DAB1: variants seen among roughly 807,000 people sequenced by gnomAD.
DAB1 encodes the protein DAB adaptor protein 1, also known as disabled homolog 1.
In DAB1, 15 loss-of-function variants were observed where a neutral mutation model predicts 64.6. The observed-to-expected ratio is 0.23, with a 90% CI of 0.16 to 0.36. The LOEUF (loss-of-function observed/expected upper bound fraction) is 0.36, where lower values mean the gene tolerates loss of function less well. Among genes scored for constraint, DAB1 ranks in the 10% least tolerant of loss-of-function variants. The pLI is 1.00. For missense variants in DAB1, 596 were observed against 706.7 expected, an observed-to-expected ratio of 0.84 and a Z score of 1.78; for synonymous variants, 235 against 251.9, an observed-to-expected ratio of 0.93 and a Z score of 0.64.
chr1:57,591,792 G>A (rs991163625), intron 7 of DAB1, among the ~76,000 whole-genome samples: 1 of 152,210 alleles, frequency 6.6e-6, no homozygotes, highest in African/African-American at 2.4e-5. Context: ...CCTCAGACAG[G>A]TGTGCAAATG....
At chr1:57,028,266 A>G (rs1646855940) in intron 9 of DAB1, among the ~76,000 whole-genome samples, 1 of 152,054 alleles carries the variant, frequency 6.6e-6, no homozygotes, top group Admixed American at 6.6e-5. Context: ...GGGGTTTCCA[A>G]TTTTGCTTCT....
chr1:57,487,055 C>T (rs998619042), intron 7 of DAB1, among the ~76,000 whole-genome samples: 1 of 152,026 alleles, frequency 6.6e-6, no homozygotes, highest in Admixed American at 6.6e-5. Context: ...TAGAAGGCTC[C>T]AAGCAATCAA....
At chr1:58,159,588 A>G (rs962616825) in intron 4 of DAB1, among the ~76,000 whole-genome samples, 1 of 152,238 alleles carries the variant, frequency 6.6e-6, no homozygotes, top group East Asian at 1.9e-4. Flanking sequence ...CATTACTGCA[A>G]TGTAACAGAG....
At chr1:57,684,940 G>C (rs760939560) in intron 6 of DAB1, among the ~76,000 whole-genome samples, 6 of 141,426 alleles carry the variant, frequency 4.2e-5, no homozygotes, top group Non-Finnish European at 7.5e-5. Flanking sequence ...AACAGCAGGA[G>C]TTGCTATTCT....
intron 11 of DAB1, among the ~76,000 whole-genome samples, chr1:57,023,310 C>T (rs866110873): frequency 2.6e-5 from 4 of 152,236 alleles, no homozygotes; most frequent in Non-Finnish European, 1.5e-5. Flanking sequence ...GAATCTTGAG[C>T]TGTCTGGGTG....
chr1:57,396,913 T>G (rs1458570747), intron 1 of DAB1, among the ~76,000 whole-genome samples: 2 of 152,242 alleles, frequency 1.3e-5, no homozygotes, highest in Non-Finnish European at 2.9e-5. Flanking sequence ...TATGTTTATC[T>G]TTCTCATATG....
At chr1:57,872,181 C>A (rs1643963178) in intron 1 of DAB1, among the ~76,000 whole-genome samples, 1 of 152,172 alleles carries the variant, frequency 6.6e-6, no homozygotes, top group South Asian at 2.1e-4. Context: ...AAGTCTAGCA[C>A]TCTTATGATC....
intron 6 of DAB1, among the ~76,000 whole-genome samples, chr1:57,721,665 G>A (rs950439102): frequency 3.3e-5 from 5 of 152,174 alleles, no homozygotes; most frequent in Admixed American, 6.5e-5. Flanking sequence ...GCTGCTTCTA[G>A]GTTGAGGGGC....
chr1:58,062,393 T>TATGTGGGTCTTG (rs1553156784), intron 5 of DAB1, among the ~76,000 whole-genome samples: 1 of 152,242 alleles, frequency 6.6e-6, no homozygotes, highest in Non-Finnish European at 1.5e-5. Context: ...CATGGTTTTA[T>TATGTGGGTCTTG]ATGTGGGTCT....
chr1:58,508,812 A>T (rs972678002), intron 2 of DAB1, among the ~76,000 whole-genome samples: 1 of 152,136 alleles, frequency 6.6e-6, no homozygotes, highest in African/African-American at 2.4e-5. Flanking sequence ...AGTTGGAGAG[A>T]AACTCCAGAG....
intron 7 of DAB1, among the ~76,000 whole-genome samples, chr1:57,645,675 G>C (rs938525492): frequency 1.3e-5 from 2 of 152,184 alleles, no homozygotes; most frequent in Non-Finnish European, 2.9e-5. Flanking sequence ...TCTATGGAAA[G>C]TATTATTGCT....
intron 1 of DAB1, among the ~76,000 whole-genome samples, chr1:57,346,890 A>AT (rs1553170510): frequency 6.6e-6 from 1 of 152,162 alleles, no homozygotes; most frequent in Non-Finnish European, 1.5e-5. Context: ...TTTAACAAGC[A>AT]TTTACTGTGT....
At chr1:58,140,007 A>G (rs1654184371) in intron 5 of DAB1, among the ~76,000 whole-genome samples, 1 of 152,170 alleles carries the variant, frequency 6.6e-6, no homozygotes, top group African/African-American at 2.4e-5. Context: ...GTGTCTTTAA[A>G]CAGAGACTCC....
At chr1:58,370,066 T>C (rs1316756945) in intron 3 of DAB1, among the ~76,000 whole-genome samples, 2 of 152,230 alleles carry the variant, frequency 1.3e-5, no homozygotes, top group Admixed American at 6.5e-5. Flanking sequence ...TTTAGAGATA[T>C]GCCTCAGGCA....
In DAB1 at chr1:57,159,856, C is replaced by CA. The variant is rs398049302; in HGVS notation, c.68-14428dup. Reference sequence around the variant, plus strand: ...CACGTACAAGGTAGAAGCAGCAAGACAAAAAAAAAAAAAAAAAAAAAGGAA... The same window carrying CA: ...CACGTACAAGGTAGAAGCAGCAAGACAAAAAAAAAAAAAAAAAAAAAAGGAA... On this transcript the variant is annotated intron_variant, in intron 2 of 14. Transcript: ENST00000371236. 8.9e-3 allele frequency among the ~76,000 whole-genome samples: 772 copies of CA among 86,298 alleles called. 13 individuals carry two copies. The highest frequency in any genetic ancestry group is 0.043 in the East Asian group (121 of 2,804). The allele number at this position is 86,298 out of a possible 152,430, so 56.6% of individuals were successfully genotyped here. A position where few individuals can be genotyped will look rare whatever the true frequency, so the allele number is the denominator to read the frequency against.
intron 6 of DAB1, among the ~76,000 whole-genome samples, chr1:57,705,128 G>C (rs945597646): frequency 6.6e-6 from 1 of 152,118 alleles, no homozygotes; most frequent in Non-Finnish European, 1.5e-5. Flanking sequence ...ACTCATAGTT[G>C]TGGTTAATGA....
intron 5 of DAB1, among the ~76,000 whole-genome samples, chr1:57,889,905 G>GGC (rs1644284268): frequency 3.9e-5 from 5 of 128,562 alleles, no homozygotes; most frequent in African/African-American, 1.5e-4. Flanking sequence ...GGGGCGGGGG[G>GGC]GGGGGAGGGG....
chr1:57,186,886 A>C (rs1663620652), intron 2 of DAB1, among the ~76,000 whole-genome samples: 1 of 152,198 alleles, frequency 6.6e-6, no homozygotes, highest in Non-Finnish European at 1.5e-5. Context: ...ACAGACTGGC[A>C]ACTGGGGAGG....
intron 6 of DAB1, among the ~76,000 whole-genome samples, chr1:57,770,804 T>C (rs1238879494): frequency 2.0e-5 from 3 of 152,106 alleles, no homozygotes; most frequent in Admixed American, 6.6e-5. Flanking sequence ...TATTATAGTA[T>C]AGAAGGACAT....
Sources: allele counts gnomAD v4.1 joint callset (sites outside exome capture counted in the v4.1 genomes callset), GRCh38; gene constraint gnomAD v4.1.1; transcripts MANE v1.5; gene names NCBI Gene and HGNC (gene_info 2026-07-23, HGNC 2026-07-21).